The following CTIF variants were observed in gnomAD, a reference collection of about 807,000 sequenced individuals.
The protein encoded by CTIF is cap binding complex dependent translation initiation factor, also known as CBP80/20-dependent translation initiation factor.
In CTIF, 21 loss-of-function variants were observed where a neutral mutation model predicts 66.0. The observed-to-expected ratio is 0.32, with a 90% confidence interval of 0.23 to 0.46. CTIF has a LOEUF of 0.46. Ranked by LOEUF, CTIF falls within the 20% of genes least tolerant of loss-of-function variation. The pLI is 1.00. For synonymous variants in CTIF, 345 were observed against 326.4 expected (o/e 1.06, Z -0.62); for missense variants, 739 against 812.7 (o/e 0.91, Z 1.10).
intron 6 of CTIF, among the ~76,000 whole-genome samples, chr18:48,708,867 C>T (rs1473073538): frequency 6.6e-6 from 1 of 152,160 alleles, no homozygotes; most frequent in Non-Finnish European, 1.5e-5. Context: ...TCACTTCCTG[C>T]TGGACTCTTT....
rs552047848 is a variant in CTIF at position 48,621,758 on chromosome 18, G to A, written c.180+2013G>A. 220 of 248,118 alleles carry A rather than the reference G, an allele frequency of 8.9e-4. 3 individuals are homozygous for A. Among genetic ancestry groups the A allele is most frequent in the South Asian group, 8.4e-3 (219 of 26,192 alleles). 15.4% of individuals were successfully genotyped at this position (248,118 alleles called of 1,614,324 possible). ...CTCAAGGAACAGAAGGAGATGGCCT[G>A]GAGACTAGGAGAATAGTACAACTGT... is the stretch of plus-strand genomic sequence containing the variant. On this transcript the variant is annotated intron_variant, in intron 2 of 11. Coordinates refer to ENST00000256413, the MANE Select transcript of CTIF (RefSeq NM_014772.3).
chr18:48,822,552 A>T (rs1163255720), intron 10 of CTIF, among the ~76,000 whole-genome samples: 2 of 125,036 alleles, frequency 1.6e-5, no homozygotes, highest in Non-Finnish European at 3.1e-5. Flanking sequence ...TGTTTTATCC[A>T]TTTATCTGCT....
intron 1 of CTIF, among the ~76,000 whole-genome samples, chr18:48,542,045 T>C (rs1314195088): frequency 2.0e-5 from 3 of 152,212 alleles, no homozygotes; most frequent in African/African-American, 7.2e-5. Flanking sequence ...TATGGATTCT[T>C]GACACCTCAG....
chr18:48,624,173 A>AT (rs2090552371), intron 2 of CTIF, among the ~76,000 whole-genome samples: 1 of 108,050 alleles, frequency 9.3e-6, no homozygotes, highest in African/African-American at 3.6e-5. Context: ...CCTCCCCCGT[A>AT]TTTTACATCG....
intron 1 of CTIF, among the ~76,000 whole-genome samples, chr18:48,562,738 G>A (rs539885398): frequency 7.9e-4 from 121 of 152,256 alleles, no homozygotes; most frequent in African/African-American, 2.8e-3. Flanking sequence ...CATTTTTATC[G>A]AGCATGATCA....
At chr18:48,572,847 G>A (rs77332913) in intron 1 of CTIF, among the ~76,000 whole-genome samples, 4 of 152,056 alleles carry the variant, frequency 2.6e-5, no homozygotes, top group African/African-American at 9.7e-5. Context: ...ACCTAGCCAG[G>A]CCACTACCAT....
rs892790992 is a variant in CTIF at position 48,701,480 on chromosome 18, C to A, written c.508-10139C>A. Among the ~76,000 whole-genome samples, 3 of 151,818 alleles carry A rather than the reference C, an allele frequency of 2.0e-5. No individual in the cohort carries two copies. The East Asian group carries it at 5.8e-4, about 29-fold the overall frequency. ...TGGAGAAGGCCCGTAGCCTTTTGGT[C>A]CCATTTGGTCTTCGACACAGAGAGT... On this transcript the variant is annotated intron_variant, in intron 6 of 11. Coordinates refer to ENST00000256413, the MANE Select transcript of CTIF (RefSeq NM_014772.3).
chr18:48,619,799 A>G, intron 2 of CTIF, 54 bp downstream of exon 2: 2 of 1,431,532 alleles, frequency 1.4e-6, no homozygotes, highest in South Asian at 1.5e-5. Context: ...GGGGTGATGC[A>G]GGAGCCCCTA....
chr18:48,660,089 T>C (rs1054251128), intron 3 of CTIF, among the ~76,000 whole-genome samples: 1 of 147,108 alleles, frequency 6.8e-6, no homozygotes, highest in Non-Finnish European at 1.5e-5. Flanking sequence ...AGCTGGGCCA[T>C]GGCCTCTCTC....
intron 6 of CTIF, among the ~76,000 whole-genome samples, chr18:48,694,056 G>A (rs988767877): frequency 3.3e-5 from 5 of 152,228 alleles, no homozygotes; most frequent in South Asian, 2.1e-4. Context: ...CCTGGTGGCT[G>A]TGCTGACAAT....
At chr18:48,645,764 G>C (rs368309091) in intron 3 of CTIF, among the ~76,000 whole-genome samples, 1 of 151,866 alleles carries the variant, frequency 6.6e-6, no homozygotes. Flanking sequence ...CTGCATGTCA[G>C]AGGGGACCAC....
At chr18:48,584,515 C>G (rs1599186400) in intron 1 of CTIF, among the ~76,000 whole-genome samples, 1 of 152,302 alleles carries the variant, frequency 6.6e-6, no homozygotes, top group East Asian at 1.9e-4. Flanking sequence ...GATGTAGGAG[C>G]TAGGACAGAG....
At chr18:48,577,617 G>C (rs1298742746) in intron 1 of CTIF, among the ~76,000 whole-genome samples, 1 of 152,068 alleles carries the variant, frequency 6.6e-6, no homozygotes, top group African/African-American at 2.4e-5. Context: ...TTGTCACCCA[G>C]GCTGGAGTGC....
At chr18:48,632,866 C>T (rs1409778752) in intron 2 of CTIF, among the ~76,000 whole-genome samples, 7 of 152,042 alleles carry the variant, frequency 4.6e-5, no homozygotes, top group Non-Finnish European at 1.0e-4. Context: ...TTGTTGAGGG[C>T]CCCACACAGA....
chr18:48,750,855 G>A (rs16949934), intron 7 of CTIF, among the ~76,000 whole-genome samples: 13,479 of 152,216 alleles, frequency 0.089, 642 homozygotes, highest in South Asian at 0.14. Flanking sequence ...TTTGGGTTTA[G>A]TGGCTCAGCA....
chr18:48,784,488 G>A (rs931905434), intron 9 of CTIF, among the ~76,000 whole-genome samples: 10 of 152,172 alleles, frequency 6.6e-5, no homozygotes, highest in African/African-American at 2.4e-4. Context: ...TACCTGGTCG[G>A]AGGGACCATA....
intron 6 of CTIF, among the ~76,000 whole-genome samples, chr18:48,699,392 A>ATGTGGCTGGGGC (rs2092051001): frequency 9.6e-6 from 1 of 104,636 alleles, no homozygotes; most frequent in African/African-American, 4.0e-5. Context: ...AAGTGCCAGC[A>ATGTGGCTGGGGC]TGGGGCTGGG....
chr18:48,732,834 C>T (rs1480293856), intron 7 of CTIF, among the ~76,000 whole-genome samples: 1 of 152,208 alleles, frequency 6.6e-6, no homozygotes, highest in Non-Finnish European at 1.5e-5. Flanking sequence ...CCAATTTGTG[C>T]AAGGCAGGAG....
At chr18:48,768,241 T>C (rs1012890360) in intron 9 of CTIF, among the ~76,000 whole-genome samples, 1 of 152,130 alleles carries the variant, frequency 6.6e-6, no homozygotes, top group Non-Finnish European at 1.5e-5. Context: ...GAGACTGATA[T>C]CGATTCCTGG....
Sources: allele counts gnomAD v4.1 joint callset (sites outside exome capture counted in the v4.1 genomes callset), GRCh38; gene constraint gnomAD v4.1.1; transcripts MANE v1.5; gene names NCBI Gene and HGNC (gene_info 2026-07-23, HGNC 2026-07-21).